AJAP1: variants seen among roughly 807,000 people sequenced by gnomAD.
AJAP1 encodes the protein adherens junction-associated protein 1.
Under a neutral mutation model 35.0 loss-of-function variants are expected in AJAP1, and 5 were observed. That is an observed-to-expected ratio of 0.14 (90% confidence interval 0.07 to 0.30). The LOEUF is 0.30. Ranked by LOEUF, AJAP1 falls within the 10% of genes least tolerant of loss-of-function variation. The pLI is 1.00. For missense variants in AJAP1, 586 were observed against 571.0 expected, an observed-to-expected ratio of 1.03 and a Z score of -0.27; for synonymous variants, 284 against 249.3, an observed-to-expected ratio of 1.14 and a Z score of -1.31.
At chr1:4,750,052 G>T (rs147407409) in intron 2 of AJAP1, among the ~76,000 whole-genome samples, 1 of 150,820 alleles carries the variant, frequency 6.6e-6, no homozygotes, top group Non-Finnish European at 1.5e-5. Flanking sequence ...GTGTGTGTTT[G>T]TATCTATATA....
In AJAP1 at chr1:4,789,320, C is replaced by T. The variant is rs374999923; in HGVS notation, c.*6835C>T. The T allele has an allele frequency of 2.7e-4, 41 of 152,354 alleles. No individual in the cohort carries two copies. The East Asian group carries it at 7.5e-3, about 28-fold the overall frequency. The allele number at this position is 152,354 out of a possible 1,614,324, so 9.4% of individuals were successfully genotyped here. On this transcript the variant is annotated 3_prime_UTR_variant, in exon 6 of 6. Coordinates refer to ENST00000378191, the MANE Select transcript of AJAP1 (RefSeq NM_018836.4). This position sits in a 1 kb window ranked among gnomAD's most constrained non-coding sequence, Gnocchi z 4.4. ...AAGCCAAGAGAGTTCTAAGCCAAGA[C>T]ATGTGCTTGGGACTGGATTAACTCT... is the stretch of plus-strand genomic sequence containing the variant.
intron 2 of AJAP1, among the ~76,000 whole-genome samples, chr1:4,744,081 A>C (rs572651206): frequency 6.6e-6 from 1 of 152,252 alleles, no homozygotes; most frequent in African/African-American, 2.4e-5. Context: ...ACCTCCAGGG[A>C]CGTCTGAGTG....
At chr1:4,745,729 G>A (rs1641172498) in intron 2 of AJAP1, among the ~76,000 whole-genome samples, 1 of 152,180 alleles carries the variant, frequency 6.6e-6, no homozygotes, top group Non-Finnish European at 1.5e-5. Flanking sequence ...CAGGTCACGT[G>A]GGGATGGTGG....
Position 4,720,832 on chromosome 1 carries a change from G to A in AJAP1, c.829+8133G>A, listed in dbSNP as rs2100281968. ...GTGGCTGCATGCTCGGTGCTATTCT[G>A]TCCATATCATGATCTTTCCCTGCCC... On this transcript the variant is annotated intron_variant, in intron 2 of 5. Transcript: ENST00000378191. The surrounding 1 kb of genome is among the most constrained non-coding windows in gnomAD (Gnocchi z 4.4). Among the ~76,000 whole-genome samples the A allele has an allele frequency of 6.6e-6, 1 of 152,282 alleles. No individual in the cohort carries two copies. The highest frequency in any genetic ancestry group is 2.1e-4 in the South Asian group (1 of 4,826).
At chr1:4,681,090 G>A (rs115860060) in intron 1 of AJAP1, among the ~76,000 whole-genome samples, 6,435 of 152,246 alleles carry the variant, frequency 0.042, 180 homozygotes, top group East Asian at 0.074. Flanking sequence ...AAATCAAAGA[G>A]ACAGGTGCAG....
At position 4,782,420 on chromosome 1, in the gene AJAP1, G is replaced by A. The variant is rs1052269731; in HGVS notation, c.*60-125G>A. 1.3e-5 allele frequency: 3 copies of A among 230,804 alleles called. No individual in the cohort carries two copies. The highest frequency in any genetic ancestry group is 2.5e-5 in the Non-Finnish European group (3 of 119,416). 14.3% of individuals were successfully genotyped at this position (230,804 alleles called of 1,614,324 possible). ...CCTCCGTGTCAGTGAACCGATAAAG[G>A]GAGTGATCGGGCTCTGCATGCGGGG... On this transcript the variant is annotated intron_variant, in intron 5 of 5. Coordinates refer to ENST00000378191, the MANE Select transcript of AJAP1 (RefSeq NM_018836.4). This position sits in a 1 kb window ranked among gnomAD's most constrained non-coding sequence, Gnocchi z 5.3.
At chr1:4,761,184 C>T (rs370636662) in intron 2 of AJAP1, among the ~76,000 whole-genome samples, 18 of 152,190 alleles carry the variant, frequency 1.2e-4, no homozygotes, top group African/African-American at 3.9e-4. Context: ...ACCCCATTCC[C>T]GGTGCCCCTG....
rs1638871347 is a variant in AJAP1, at chr1:4,655,943, C to T, written c.29+489C>T. ...CCAAACAGCCACTCCGCTCCCCCTT[C>T]TCCTTTCTCGGGGCCCCGGGGCTGA... On this transcript the variant is annotated intron_variant, in intron 1 of 5. Coordinates refer to ENST00000378191, the MANE Select transcript of AJAP1 (RefSeq NM_018836.4). This position sits in a 1 kb window ranked among gnomAD's most constrained non-coding sequence, Gnocchi z 6.9. Among the ~76,000 whole-genome samples the T allele has an allele frequency of 6.6e-6, 1 of 152,026 alleles. No individual in the cohort carries two copies.
chr1:4,728,957 A>G (rs567955412), intron 2 of AJAP1, among the ~76,000 whole-genome samples: 4 of 152,060 alleles, frequency 2.6e-5, no homozygotes, highest in African/African-American at 4.8e-5. Flanking sequence ...CCACACATCC[A>G]TGTTTCCATT....
At chr1:4,718,490 C>CTT (rs572430674) in intron 2 of AJAP1, among the ~76,000 whole-genome samples, 3 of 141,944 alleles carry the variant, frequency 2.1e-5, no homozygotes, top group East Asian at 2.0e-4. Flanking sequence ...TCTTTCTTTC[C>CTT]TTTTTTTTTT....
chr1:4,694,827 A>T (rs1006256754), intron 1 of AJAP1, among the ~76,000 whole-genome samples: 2 of 152,204 alleles, frequency 1.3e-5, no homozygotes, highest in Non-Finnish European at 2.9e-5. Flanking sequence ...TTGTGAGCAC[A>T]GTGGAAGCGA....
rs528930454 is a variant in AJAP1 at position 4,759,146 on chromosome 1, G to A, written c.830-10707G>A. On this transcript the variant is annotated intron_variant, in intron 2 of 5. Transcript: ENST00000378191. The stretch of plus-strand genomic sequence containing the variant: ...ACCCTCTGGTACTCAGCTGGTGTCT[G>A]AGAATCCCTTGCTCCTCCTTCTCGT... 7.7e-4 allele frequency among the ~76,000 whole-genome samples: 117 copies of A among 152,312 alleles called. 5 individuals are homozygous for A. The South Asian group carries it at 0.023, about 30-fold the overall frequency.
intron 2 of AJAP1, among the ~76,000 whole-genome samples, chr1:4,753,569 C>T (rs933025869): frequency 4.6e-5 from 7 of 151,876 alleles, no homozygotes; most frequent in African/African-American, 1.7e-4. Flanking sequence ...ATATATTAAT[C>T]GCTGTTTTTG....
intron 1 of AJAP1, among the ~76,000 whole-genome samples, chr1:4,697,289 C>T (rs369099111): frequency 5.3e-5 from 8 of 152,222 alleles, no homozygotes; most frequent in South Asian, 2.1e-4. Context: ...GGATTAGATT[C>T]GTCCTGGGTG....
rs1231942488 is a variant in AJAP1 at position 4,785,775 on chromosome 1, CT to C, written c.*3291del. Reference sequence around the variant, plus strand: ...CTTTCCTTTGCTTGAGCTTTTATTCCTCAAGAAAAGAACTCCAAGGAAGGGT... The same window carrying C: ...CTTTCCTTTGCTTGAGCTTTTATTCCCAAGAAAAGAACTCCAAGGAAGGGT... On this transcript the variant is annotated 3_prime_UTR_variant, in exon 6 of 6. Coordinates refer to ENST00000378191, the MANE Select transcript of AJAP1 (RefSeq NM_018836.4). 6.6e-6 allele frequency: 1 copy of C among 152,126 alleles called. No homozygotes were observed. The highest frequency in any genetic ancestry group is 2.4e-5 in the African/African-American group (1 of 41,420). The allele number at this position is 152,126 out of a possible 1,614,324, so 9.4% of individuals were successfully genotyped here.
intron 1 of AJAP1, among the ~76,000 whole-genome samples, chr1:4,698,488 T>A (rs760929940): frequency 6.6e-6 from 1 of 152,214 alleles, no homozygotes; most frequent in Non-Finnish European, 1.5e-5. Flanking sequence ...GGTGGGCTGT[T>A]GTACCTACCT....
chr1:4,699,695 C>T (rs1038667901), intron 1 of AJAP1, among the ~76,000 whole-genome samples: 3 of 152,302 alleles, frequency 2.0e-5, no homozygotes, highest in Non-Finnish European at 4.4e-5. Context: ...CTAGAACCAA[C>T]ATCTCCCTGC....
rs891777078 is a variant in AJAP1 at position 4,788,888 on chromosome 1, G to A, written c.*6403G>A. ...CACACTCCACACCTGTAAACGCACAGCCCATGCCCCATTGTAAAGGTGACT... is the reference window on the plus strand; with the variant it reads ...CACACTCCACACCTGTAAACGCACAACCCATGCCCCATTGTAAAGGTGACT... On this transcript the variant is annotated 3_prime_UTR_variant, in exon 6 of 6. Transcript: ENST00000378191. 1 of 152,206 alleles carries A rather than the reference G, an allele frequency of 6.6e-6. No homozygotes were observed. Among genetic ancestry groups the A allele is most frequent in the African/African-American group, 2.4e-5 (1 of 41,416 alleles). 9.4% of individuals were successfully genotyped at this position (152,206 alleles called of 1,614,324 possible). A position where few individuals can be genotyped will look rare whatever the true frequency, so the allele number is the denominator to read the frequency against.
At position 4,782,566 on chromosome 1, in the gene AJAP1, AAAACAAAAC is replaced by A. The variant is rs1489780538; in HGVS notation, c.*94_*102del. 1 of 393,366 alleles carries A rather than the reference AAAACAAAAC, an allele frequency of 2.5e-6. No individual in the cohort carries two copies. Among genetic ancestry groups the A allele is most frequent in the Non-Finnish European group, 4.5e-6 (1 of 223,292 alleles). The allele number at this position is 393,366 out of a possible 1,614,324, so 24.4% of individuals were successfully genotyped here. Reference sequence around the variant, plus strand: ...ACAGGATTCCGTTGGTGAACCTGTAAAAACAAAACAAACAAAACAAAACAAAAAAGACAA... The same window carrying A: ...ACAGGATTCCGTTGGTGAACCTGTAAAAACAAAACAAAACAAAAAAGACAA... On this transcript the variant is annotated 3_prime_UTR_variant, in exon 6 of 6. Coordinates refer to ENST00000378191, the MANE Select transcript of AJAP1 (RefSeq NM_018836.4). The surrounding 1 kb of genome is among the most constrained non-coding windows in gnomAD (Gnocchi z 5.3).
Sources: allele counts gnomAD v4.1 joint callset (sites outside exome capture counted in the v4.1 genomes callset), GRCh38; gene constraint gnomAD v4.1.1; non-coding constraint Gnocchi (gnomAD v3.1); transcripts MANE v1.5; gene names NCBI Gene and HGNC (gene_info 2026-07-23, HGNC 2026-07-21).